The following RAP1GAP2 variants were observed in gnomAD, a reference collection of about 807,000 sequenced individuals.
The protein encoded by RAP1GAP2 is RAP1 GTPase activating protein 2.
RAP1GAP2 carries 27 observed loss-of-function variants against 95.0 expected under a neutral mutation model. The observed-to-expected ratio is 0.28, with a 90% CI of 0.21 to 0.39. The LOEUF (loss-of-function observed/expected upper bound fraction) is 0.39. Among genes scored for constraint, RAP1GAP2 ranks in the 10% least tolerant of loss-of-function variants. The pLI, the probability that RAP1GAP2 is intolerant of heterozygous loss-of-function variation, is 1.00. For synonymous variants in RAP1GAP2, 373 were observed against 380.9 expected (o/e 0.98, Z 0.24); for missense variants, 771 against 970.0 (o/e 0.79, Z 2.72).
chr17:2,855,163 A>G lies in RAP1GAP2; in HGVS notation c.81-50121A>G, dbSNP rs2072080133. On this transcript the variant is annotated intron_variant, in intron 2 of 24. Transcript: ENST00000254695. The surrounding 1 kb of genome is among the most constrained non-coding windows in gnomAD (Gnocchi z 4.3). ...TTGCCCTTGTGGTGGGTTGTCCCCC[A>G]TTCCTCTCGTCCCCCCTTCCTATAA... is the stretch of plus-strand genomic sequence containing the variant. 6.6e-6 allele frequency among the ~76,000 whole-genome samples: 1 copy of G among 152,084 alleles called. No individual in the cohort carries two copies. The highest frequency in any genetic ancestry group is 1.5e-5 in the Non-Finnish European group (1 of 68,008).
chr17:2,808,297 C>G lies in RAP1GAP2; in HGVS notation c.80+7747C>G, dbSNP rs116734963. Among the ~76,000 whole-genome samples, 621 of 152,262 alleles carry G rather than the reference C, an allele frequency of 4.1e-3. 2 individuals are homozygous for G. Among genetic ancestry groups the G allele is most frequent in the African/African-American group, 0.014 (578 of 41,540 alleles). ...GGGTGAAGGTGAGAAGAAGGGTCAG[C>G]TGAGGACTCTCAGAAGGCTTCCTGT... On this transcript the variant is annotated intron_variant, in intron 2 of 24. Coordinates refer to ENST00000254695, the MANE Select transcript of RAP1GAP2 (RefSeq NM_015085.5).
chr17:2,983,367 T>G (rs1018633497), intron 10 of RAP1GAP2, among the ~76,000 whole-genome samples: 21 of 152,186 alleles, frequency 1.4e-4, no homozygotes, highest in South Asian at 2.1e-4. Context: ...TTTGGGCTCT[T>G]TGGACGCTAA....
At chr17:2,877,967 A>G (rs2073153631) in intron 2 of RAP1GAP2, among the ~76,000 whole-genome samples, 1 of 151,712 alleles carries the variant, frequency 6.6e-6, no homozygotes, top group Non-Finnish European at 1.5e-5. Flanking sequence ...ATGATGGTGG[A>G]GGGGGATTGG....
At position 2,990,580 on chromosome 17, in the gene RAP1GAP2, C is replaced by T. The variant is rs144188685; in HGVS notation, c.814-717C>T. Among the ~76,000 whole-genome samples, 24 of 152,102 alleles carry T rather than the reference C, an allele frequency of 1.6e-4. No individual in the cohort carries two copies. In the East Asian group the frequency reaches 3.3e-3, roughly 21 times the overall value. ...ATATGGTGACTCTGCGTTTAGCTTTCGGGACCTGCCTGGGAGTGCTGTTGC... is the reference window on the plus strand; with the variant it reads ...ATATGGTGACTCTGCGTTTAGCTTTTGGGACCTGCCTGGGAGTGCTGTTGC... On this transcript the variant is annotated intron_variant, in intron 11 of 24. Transcript: ENST00000254695.
At chr17:2,874,243 C>T (rs1217192552) in intron 2 of RAP1GAP2, among the ~76,000 whole-genome samples, 3 of 152,206 alleles carry the variant, frequency 2.0e-5, no homozygotes, top group East Asian at 1.9e-4. Flanking sequence ...TACACCCTCC[C>T]TCCCCTTTCT....
intron 14 of RAP1GAP2, among the ~76,000 whole-genome samples, chr17:3,002,828 A>G (rs1346461160): frequency 1.3e-5 from 2 of 152,050 alleles, no homozygotes; most frequent in Non-Finnish European, 2.9e-5. Context: ...GTGTGAAATG[A>G]GGAAGTTGGA....
intron 10 of RAP1GAP2, among the ~76,000 whole-genome samples, chr17:2,983,524 C>A (rs1156331318): frequency 6.6e-6 from 1 of 152,212 alleles, no homozygotes; most frequent in Non-Finnish European, 1.5e-5. Flanking sequence ...CAAATAATTA[C>A]TTCATTGAAG....
intron 13 of RAP1GAP2, among the ~76,000 whole-genome samples, chr17:2,996,029 C>T (rs1033013013): frequency 3.3e-5 from 5 of 152,018 alleles, no homozygotes; most frequent in Non-Finnish European, 7.4e-5. Context: ...ATACGATGCC[C>T]AATTCATGGC....
chr17:3,014,123 C>T (rs373038267), intron 17 of RAP1GAP2, among the ~76,000 whole-genome samples: 1 of 149,044 alleles, frequency 6.7e-6, no homozygotes, highest in Non-Finnish European at 1.5e-5. Context: ...GGACACACGT[C>T]GGCTATAGAG....
At chr17:2,790,674 C>G (rs1478833226) in intron 1 of RAP1GAP2, among the ~76,000 whole-genome samples, 3 of 152,242 alleles carry the variant, frequency 2.0e-5, no homozygotes, top group Admixed American at 6.5e-5. Context: ...GTTTCCTGAG[C>G]TTCCTGTAAC....
intron 2 of RAP1GAP2, among the ~76,000 whole-genome samples, chr17:2,876,463 G>A (rs1257376081): frequency 6.6e-6 from 1 of 152,122 alleles, no homozygotes; most frequent in Non-Finnish European, 1.5e-5. Context: ...ACCAGAATCG[G>A]GGGTTTTGGA....
chr17:2,899,453 C>T (rs375492468), intron 2 of RAP1GAP2, among the ~76,000 whole-genome samples: 181 of 151,850 alleles, frequency 1.2e-3, no homozygotes, highest in African/African-American at 3.7e-3. Flanking sequence ...CCTCGTGATC[C>T]GCCTGCCTTG....
intron 3 of RAP1GAP2, among the ~76,000 whole-genome samples, chr17:2,944,904 A>G (rs902643884): frequency 1.3e-5 from 2 of 152,018 alleles, no homozygotes; most frequent in African/African-American, 2.4e-5. Flanking sequence ...ATTTTTTGAG[A>G]CGGAGTCTTG....
chr17:2,838,120 G>C (rs1231858704), intron 2 of RAP1GAP2, among the ~76,000 whole-genome samples: 2 of 141,900 alleles, frequency 1.4e-5, no homozygotes, highest in Non-Finnish European at 3.0e-5. Flanking sequence ...CCAGGTTCAA[G>C]CAATTCTCCT....
chr17:3,007,516 G>A (rs2046376250), intron 16 of RAP1GAP2, among the ~76,000 whole-genome samples: 1 of 152,202 alleles, frequency 6.6e-6, no homozygotes, highest in South Asian at 2.1e-4. Flanking sequence ...ATTGTAGGGT[G>A]ACTCTTGGGC....
chr17:3,007,963 C>T, intron 16 of RAP1GAP2, 48 bp from the exon 17 acceptor site: 2 of 1,600,344 alleles, frequency 1.2e-6, no homozygotes, highest in Non-Finnish European at 8.5e-7. Flanking sequence ...GCAGGCACAT[C>T]TCTGCTCTCA....
chr17:2,894,271 A>C (rs1231141296), intron 2 of RAP1GAP2, among the ~76,000 whole-genome samples: 1 of 152,166 alleles, frequency 6.6e-6, no homozygotes, highest in Non-Finnish European at 1.5e-5. Flanking sequence ...CTCTACTAAA[A>C]ATACAAAACT....
intron 17 of RAP1GAP2, among the ~76,000 whole-genome samples, chr17:3,016,706 A>T (rs1416715850): frequency 6.6e-6 from 1 of 150,646 alleles, no homozygotes; most frequent in African/African-American, 2.5e-5. Flanking sequence ...AGCCACACTT[A>T]TCAGATCATT....
chr17:2,856,368 C>T (rs2072136503), intron 2 of RAP1GAP2, among the ~76,000 whole-genome samples: 1 of 152,134 alleles, frequency 6.6e-6, no homozygotes, highest in Non-Finnish European at 1.5e-5. Flanking sequence ...TCTCTGGGAA[C>T]CTCGGTTTCT....
Sources: gnomAD v4.1 joint callset for allele counts (sites outside exome capture counted in the v4.1 genomes callset) on GRCh38, gnomAD v4.1.1 for gene constraint, Gnocchi (gnomAD v3.1) non-coding constraint, MANE v1.5 for transcripts, NCBI Gene and HGNC (gene_info 2026-07-23, HGNC 2026-07-21) for gene names.